The following TFPI variants were observed in gnomAD, a reference collection of about 807,000 sequenced individuals.
The protein encoded by TFPI is tissue factor pathway inhibitor.
In TFPI, 15 loss-of-function variants were observed where a neutral mutation model predicts 34.6. The observed-to-expected ratio is 0.43, with a 90% CI of 0.29 to 0.67. TFPI has a LOEUF of 0.67. TFPI is among the 30% of genes least tolerant of loss of function. TFPI has a pLI of 0.15. For synonymous variants in TFPI, 105 were observed against 120.1 expected (o/e 0.87, Z 0.82); for missense variants, 301 against 364.0 (o/e 0.83, Z 1.41).
At chr2:187,548,283 A>G (rs914323336) in intron 1 of TFPI, among the ~76,000 whole-genome samples, 3 of 151,890 alleles carry the variant, frequency 2.0e-5, no homozygotes, top group African/African-American at 2.4e-5. Flanking sequence ...CCACTCCCCA[A>G]CTTCCTCCCC....
intron 1 of TFPI, among the ~76,000 whole-genome samples, chr2:187,550,254 TA>T (rs1201090846): frequency 6.6e-6 from 1 of 152,114 alleles, no homozygotes; most frequent in Non-Finnish European, 1.5e-5. Flanking sequence ...AAGCACCACC[TA>T]AAAGGGTTAG....
chr2:187,497,658 T>C (rs892534973), intron 2 of TFPI, among the ~76,000 whole-genome samples: 3 of 152,036 alleles, frequency 2.0e-5, no homozygotes, highest in Non-Finnish European at 4.4e-5. Context: ...TAAATAATGC[T>C]TTCTATGTTT....
intron 4 of TFPI, among the ~76,000 whole-genome samples, chr2:187,486,427 G>T (rs1230940427): frequency 1.3e-5 from 2 of 151,436 alleles, no homozygotes; most frequent in Non-Finnish European, 3.0e-5. Flanking sequence ...AAAAAATTAT[G>T]CTGATAAGTA....
At chr2:187,539,165 G>T (rs1688437183) in intron 1 of TFPI, among the ~76,000 whole-genome samples, 1 of 152,008 alleles carries the variant, frequency 6.6e-6, no homozygotes, top group Non-Finnish European at 1.5e-5. Flanking sequence ...TAAACATTAA[G>T]GGGCTGCTAC....
At chr2:187,535,531 A>G (rs1688202673) in intron 1 of TFPI, among the ~76,000 whole-genome samples, 1 of 152,216 alleles carries the variant, frequency 6.6e-6, no homozygotes, top group Non-Finnish European at 1.5e-5. Flanking sequence ...GTTATTTGAA[A>G]CCAATGAGAA....
intron 1 of TFPI, among the ~76,000 whole-genome samples, chr2:187,532,436 G>A (rs888192788): frequency 3.3e-5 from 5 of 152,178 alleles, no homozygotes; most frequent in Non-Finnish European, 5.9e-5. Context: ...AGGGCAAGCC[G>A]AAGCAGGGTG....
At chr2:187,527,763 T>C (rs1173983798) in intron 1 of TFPI, among the ~76,000 whole-genome samples, 2 of 152,196 alleles carry the variant, frequency 1.3e-5, no homozygotes, top group Non-Finnish European at 2.9e-5. Flanking sequence ...TTATAATGGT[T>C]TACTATTTTC....
chr2:187,523,883 C>T (rs1687546031), intron 1 of TFPI, among the ~76,000 whole-genome samples: 1 of 152,080 alleles, frequency 6.6e-6, no homozygotes, highest in South Asian at 2.1e-4. Context: ...AAATTCTCCA[C>T]CCTTTAGGCT....
At chr2:187,485,557 C>A (rs1304409563) in intron 4 of TFPI, among the ~76,000 whole-genome samples, 1 of 151,714 alleles carries the variant, frequency 6.6e-6, no homozygotes, top group Non-Finnish European at 1.5e-5. Flanking sequence ...ACTGCTGTGT[C>A]ATTTTTATTT....
In TFPI at chr2:187,473,695, G is replaced by A. The variant is rs937463307; in HGVS notation, c.629-5763C>T. 9.9e-5 allele frequency among the ~76,000 whole-genome samples: 15 copies of A among 151,448 alleles called. No individual in the cohort carries two copies. The East Asian group carries it at 1.2e-3, about 12-fold the overall frequency. Reference sequence around the variant, plus strand: ...TCTCTCTGTAAAAAAGAAAGAGTATGTATCTCTATTCATTAATCAGGAGAA... The same window carrying A: ...TCTCTCTGTAAAAAAGAAAGAGTATATATCTCTATTCATTAATCAGGAGAA... On this transcript the variant is annotated intron_variant, in intron 6 of 7. Coordinates refer to ENST00000233156, the MANE Select transcript of TFPI (RefSeq NM_006287.6).
intron 1 of TFPI, among the ~76,000 whole-genome samples, chr2:187,536,848 T>G (rs891009882): frequency 6.6e-6 from 1 of 152,052 alleles, no homozygotes; most frequent in African/African-American, 2.4e-5. Context: ...ATCATCTCAG[T>G]CCAAAATCTC....
chr2:187,553,623 GT>G (rs980248758), intron 1 of TFPI, among the ~76,000 whole-genome samples: 1 of 152,024 alleles, frequency 6.6e-6, no homozygotes, highest in Non-Finnish European at 1.5e-5. Context: ...AAGTATTCTC[GT>G]TTAAGTATCT....
At chr2:187,544,911 T>C (rs12618708) in intron 1 of TFPI, among the ~76,000 whole-genome samples, 7,001 of 152,236 alleles carry the variant, frequency 0.046, 229 homozygotes, top group Middle Eastern at 0.17. Flanking sequence ...GGTCAGGAGT[T>C]TAAGACCAGC....
chr2:187,514,503 G>T (rs770721752), intron 1 of TFPI: 5 of 152,216 alleles, frequency 3.3e-5, no homozygotes. Flanking sequence ...GGTTCACTTC[G>T]TGTCTCTCAT....
At chr2:187,514,097 C>T (rs755122676) in intron 1 of TFPI, 4 of 152,184 alleles carry the variant, frequency 2.6e-5, no homozygotes, top group Non-Finnish European at 4.4e-5. Context: ...CACTACAGAG[C>T]AAGGATGGAC....
In TFPI at chr2:187,464,638, C is replaced by T. The variant is rs751805190; in HGVS notation, c.*2298G>A. On this transcript the variant is annotated 3_prime_UTR_variant, in exon 8 of 8. Coordinates refer to ENST00000233156, the MANE Select transcript of TFPI (RefSeq NM_006287.6). The stretch of plus-strand genomic sequence containing the variant: ...CTTCACCTAAGTAGACTTTCCCACT[C>T]ATTTGAAGCTATTGCTATCTATAAA... 4 of 152,172 alleles carry T rather than the reference C, an allele frequency of 2.6e-5. No individual in the cohort carries two copies. The highest frequency in any genetic ancestry group is 1.5e-5 in the Non-Finnish European group (1 of 68,038). 9.4% of individuals were successfully genotyped at this position (152,172 alleles called of 1,614,324 possible).
At chr2:187,541,440 A>T (rs559694035) in intron 1 of TFPI, among the ~76,000 whole-genome samples, 7 of 152,172 alleles carry the variant, frequency 4.6e-5, no homozygotes, top group Non-Finnish European at 1.0e-4. Context: ...ATAAAAAAGA[A>T]CGTAGCCCTA....
chr2:187,488,268 CA>C lies in TFPI; in HGVS notation c.358+68del, dbSNP rs1693434943. On this transcript the variant is annotated intron_variant, in intron 4 of 7. Coordinates refer to ENST00000233156, the MANE Select transcript of TFPI (RefSeq NM_006287.6). ...GGACCAGAAAAAACAAACAAGCAAACAAACAAAAAATTGAATATCTAAATGC... is the reference window on the plus strand; with the variant it reads ...GGACCAGAAAAAACAAACAAGCAAACAACAAAAAATTGAATATCTAAATGC... 4 of 1,351,472 alleles carry C rather than the reference CA, an allele frequency of 3.0e-6. No homozygotes were observed. The South Asian group carries it at 5.5e-5, about 19-fold the overall frequency. 83.7% of individuals were successfully genotyped at this position (1,351,472 alleles called of 1,614,324 possible). A position where few individuals can be genotyped will look rare whatever the true frequency, so the allele number is the denominator to read the frequency against.
At chr2:187,486,872 G>T (rs1693305720) in intron 4 of TFPI, among the ~76,000 whole-genome samples, 1 of 151,514 alleles carries the variant, frequency 6.6e-6, no homozygotes, top group African/African-American at 2.4e-5. Context: ...CTTTCTAAGG[G>T]ATTGTATTAA....
Sources: gnomAD v4.1 joint callset for allele counts (sites outside exome capture counted in the v4.1 genomes callset) on GRCh38, gnomAD v4.1.1 for gene constraint, MANE v1.5 for transcripts, NCBI Gene and HGNC (gene_info 2026-07-23, HGNC 2026-07-21) for gene names.